Variants in DACH1 observed in about 807,000 individuals in gnomAD.
DACH1 encodes the protein dachshund family transcription factor 1.
A neutral mutation model predicts 54.2 loss-of-function variants in DACH1; 12 were observed. The ratio of observed to expected loss-of-function variants is 0.22; its 90% CI spans 0.14 to 0.36. DACH1 has a LOEUF of 0.36. DACH1 is among the 10% of genes least tolerant of loss of function. The pLI, the probability that DACH1 is intolerant of heterozygous loss-of-function variation, is 1.00. For synonymous variants in DACH1, 386 were observed against 366.2 expected (o/e 1.05, Z -0.62); for missense variants, 805 against 929.8 (o/e 0.87, Z 1.75).
At chr13:71,543,543 A>T (rs1187728039) in intron 6 of DACH1, among the ~76,000 whole-genome samples, 2 of 152,158 alleles carry the variant, frequency 1.3e-5, no homozygotes, top group African/African-American at 4.8e-5. Flanking sequence ...TTCTCAGTAG[A>T]CAATGAGAAC....
intron 6 of DACH1, among the ~76,000 whole-genome samples, chr13:71,495,074 G>A (rs1644489274): frequency 6.6e-6 from 1 of 151,924 alleles, no homozygotes; most frequent in African/African-American, 2.4e-5. Context: ...TCAAGTTAAT[G>A]TGTGTCTGTG....
rs139340570 is a variant in DACH1 at position 71,522,685 on chromosome 13, T to C, written c.1571-33537A>G. Reference sequence around the variant, plus strand: ...TTAATATGAGTAATAACTATATTTTTATTATTCTTTTACTCTCCTGTAATA... The same window carrying C: ...TTAATATGAGTAATAACTATATTTTCATTATTCTTTTACTCTCCTGTAATA... On this transcript the variant is annotated intron_variant, in intron 6 of 10. Transcript: ENST00000613252. Among the ~76,000 whole-genome samples the C allele has an allele frequency of 9.1e-4, 139 of 152,194 alleles. 1 individual carries two copies. Among genetic ancestry groups the C allele is most frequent in the Non-Finnish European group, 1.7e-3 (116 of 68,000 alleles).
In DACH1 at chr13:71,624,050, T is replaced by C. The variant is rs76114886; in HGVS notation, c.1126+6506A>G. 9.9e-3 allele frequency among the ~76,000 whole-genome samples: 1,500 copies of C among 152,056 alleles called. 22 individuals are homozygous for C. The highest frequency in any genetic ancestry group is 0.034 in the African/African-American group (1,413 of 41,526). Reference sequence around the variant, plus strand: ...TTGTCAAACTGGTAATTCTCTATCTTGTTTAAAATACATAATGAAGAAAAA... The same window carrying C: ...TTGTCAAACTGGTAATTCTCTATCTCGTTTAAAATACATAATGAAGAAAAA... On this transcript the variant is annotated intron_variant, in intron 3 of 10. Coordinates refer to ENST00000613252, the MANE Select transcript of DACH1 (RefSeq NM_080759.6).
intron 1 of DACH1, among the ~76,000 whole-genome samples, chr13:71,737,418 A>C (rs562017434): frequency 1.3e-5 from 2 of 152,136 alleles, no homozygotes; most frequent in Non-Finnish European, 2.9e-5. Context: ...CTCCCCACAT[A>C]GGGACAAACA....
intron 6 of DACH1, among the ~76,000 whole-genome samples, chr13:71,509,140 A>G (rs904944842): frequency 2.0e-5 from 3 of 152,250 alleles, no homozygotes; most frequent in Non-Finnish European, 4.4e-5. Flanking sequence ...TCCACTCATT[A>G]ATAAAATATA....
chr13:71,635,065 G>A (rs1877377129), intron 2 of DACH1, among the ~76,000 whole-genome samples: 1 of 152,062 alleles, frequency 6.6e-6, no homozygotes, highest in Admixed American at 6.6e-5. Flanking sequence ...CATCTGCTGC[G>A]GTGCTTGGCA....
In DACH1 at chr13:71,485,835, C is replaced by A. The variant is rs920828086; in HGVS notation, c.1722+3162G>T. On this transcript the variant is annotated intron_variant, in intron 7 of 10. Coordinates refer to ENST00000613252, the MANE Select transcript of DACH1 (RefSeq NM_080759.6). ...GGACCTTGAGATCCACCCACCTAGG[C>A]CTCCCAAAGTGCTGGGATTACAGTC... 3.3e-5 allele frequency among the ~76,000 whole-genome samples: 5 copies of A among 151,786 alleles called. No individual in the cohort carries two copies. The South Asian group carries it at 8.3e-4, about 25-fold the overall frequency.
At chr13:71,508,456 G>A (rs975246580) in intron 6 of DACH1, among the ~76,000 whole-genome samples, 3 of 151,706 alleles carry the variant, frequency 2.0e-5, no homozygotes, top group Non-Finnish European at 2.9e-5. Flanking sequence ...CAGTGAATGT[G>A]GTAAAAATTA....
chr13:71,481,464 A>T (rs1349121833), intron 7 of DACH1, among the ~76,000 whole-genome samples: 1 of 152,200 alleles, frequency 6.6e-6, no homozygotes, highest in Non-Finnish European at 1.5e-5. Flanking sequence ...TGCTGAGAGC[A>T]TTTATGTTTA....
intron 1 of DACH1, among the ~76,000 whole-genome samples, chr13:71,848,794 G>A (rs61265780): frequency 0.057 from 8,617 of 152,086 alleles, 652 homozygotes; most frequent in African/African-American, 0.17. Flanking sequence ...CAAAATGCTG[G>A]GATTACAGGT....
chr13:71,858,662 A>T (rs1874158493), intron 1 of DACH1, among the ~76,000 whole-genome samples: 1 of 151,672 alleles, frequency 6.6e-6, no homozygotes, highest in African/African-American at 2.4e-5. Flanking sequence ...TTAGACCAAC[A>T]GCTCTCCAGT....
At chr13:71,703,859 T>C (rs949526941) in intron 1 of DACH1, among the ~76,000 whole-genome samples, 2 of 152,178 alleles carry the variant, frequency 1.3e-5, no homozygotes, top group African/African-American at 4.8e-5. Flanking sequence ...GACAGATATA[T>C]TGATAAACAC....
intron 1 of DACH1, among the ~76,000 whole-genome samples, chr13:71,811,348 T>C (rs565155096): frequency 9.1e-4 from 139 of 152,286 alleles, no homozygotes; most frequent in African/African-American, 2.9e-3. Flanking sequence ...GTATGTTCCA[T>C]ATTACAGATT....
intron 6 of DACH1, among the ~76,000 whole-genome samples, chr13:71,542,745 C>A (rs1362113486): frequency 6.6e-6 from 1 of 152,088 alleles, no homozygotes; most frequent in African/African-American, 2.4e-5. Flanking sequence ...AATCTAAAGT[C>A]TAACTTCAAA....
At chr13:71,862,100 G>A (rs1874398979) in intron 1 of DACH1, among the ~76,000 whole-genome samples, 1 of 151,792 alleles carries the variant, frequency 6.6e-6, no homozygotes, top group Non-Finnish European at 1.5e-5. Context: ...AGACTAACTG[G>A]AATCTACTTA....
intron 1 of DACH1, among the ~76,000 whole-genome samples, chr13:71,832,795 T>G (rs1888642635): frequency 6.6e-6 from 1 of 151,998 alleles, no homozygotes; most frequent in Non-Finnish European, 1.5e-5. Flanking sequence ...TGTTTCATTT[T>G]GTTTATTCTC....
intron 1 of DACH1, among the ~76,000 whole-genome samples, chr13:71,746,301 G>A (rs190904532): frequency 1.3e-5 from 2 of 152,248 alleles, no homozygotes; most frequent in Admixed American, 6.5e-5. Context: ...GAAACCCATA[G>A]ATAGGAATGG....
intron 1 of DACH1, among the ~76,000 whole-genome samples, chr13:71,761,383 A>G (rs540029672): frequency 3.3e-5 from 5 of 152,204 alleles, no homozygotes; most frequent in Admixed American, 1.3e-4. Flanking sequence ...CATGTTATGC[A>G]ATAAGACAAA....
intron 1 of DACH1, among the ~76,000 whole-genome samples, chr13:71,779,074 G>A (rs1886194706): frequency 1.3e-5 from 2 of 148,856 alleles, no homozygotes. Flanking sequence ...GAAAAGATGA[G>A]AATTTAACAA....
Sources: allele counts gnomAD v4.1 joint callset (sites outside exome capture counted in the v4.1 genomes callset), GRCh38; gene constraint gnomAD v4.1.1; transcripts MANE v1.5; gene names NCBI Gene and HGNC (gene_info 2026-07-23, HGNC 2026-07-21).